TP63: variants seen among roughly 807,000 people sequenced by gnomAD.
The protein encoded by TP63 is tumor protein 63.
Under a neutral mutation model 82.8 loss-of-function variants are expected in TP63, and 17 were observed. The observed-to-expected ratio is 0.21, with a 90% CI of 0.14 to 0.31. The LOEUF (loss-of-function observed/expected upper bound fraction) is 0.31, where lower values mean the gene tolerates loss of function less well. TP63 is among the 10% of genes least tolerant of loss of function. The pLI is 1.00. For missense variants in TP63, 648 were observed against 895.3 expected, an observed-to-expected ratio of 0.72 and a Z score of 3.52; for synonymous variants, 330 against 321.7, an observed-to-expected ratio of 1.03 and a Z score of -0.28.
upstream of TP63, among the ~76,000 whole-genome samples, chr3:189,629,553 G>C (rs1357649995): frequency 6.6e-6 from 1 of 152,108 alleles, no homozygotes; most frequent in Non-Finnish European, 1.5e-5. Context: ...ACGTCGAATT[G>C]TAAATATCAG....
At chr3:189,754,827 C>T (rs1722067374) in intron 3 of TP63, among the ~76,000 whole-genome samples, 2 of 152,134 alleles carry the variant, frequency 1.3e-5, no homozygotes, top group Non-Finnish European at 1.5e-5. Context: ...TTATCATCCT[C>T]CTTTTGTTCT....
In TP63 at chr3:189,667,168, A is replaced by ATTT. The variant is rs11439554; in HGVS notation, c.62+35610_62+35612dup. The stretch of plus-strand genomic sequence containing the variant: ...CACTGAAGCTAAGGCAGAAGTTAGA[A>ATTT]TTTTTTTTTTTTTTTTTTTTTGAGA... On this transcript the variant is annotated intron_variant, in intron 1 of 13. Transcript: ENST00000264731. 7.4e-4 allele frequency among the ~76,000 whole-genome samples: 90 copies of ATTT among 122,084 alleles called. 1 individual carries two copies. Among genetic ancestry groups the ATTT allele is most frequent in the African/African-American group, 2.3e-3 (75 of 32,522 alleles). 80.1% of individuals were successfully genotyped at this position (122,084 alleles called of 152,430 possible).
At chr3:189,700,272 G>C (rs1347691118) in intron 1 of TP63, among the ~76,000 whole-genome samples, 1 of 152,074 alleles carries the variant, frequency 6.6e-6, no homozygotes, top group Non-Finnish European at 1.5e-5. Context: ...TGGTTTTCTG[G>C]TACAGCTCCA....
chr3:189,831,818 CTTTTTTTTTTTTTTTTTT>C (rs1156431272), intron 4 of TP63, among the ~76,000 whole-genome samples: 2 of 73,198 alleles, frequency 2.7e-5, no homozygotes, highest in East Asian at 3.7e-4. Flanking sequence ...CTATTATGCT[CTTTTTTTTTTTTTTTTTT>C]TTTTTTTTTT....
At chr3:189,690,728 C>T (rs1382343818) in intron 1 of TP63, among the ~76,000 whole-genome samples, 1 of 152,186 alleles carries the variant, frequency 6.6e-6, no homozygotes, top group Non-Finnish European at 1.5e-5. Flanking sequence ...GTTCCTCATT[C>T]AATGTGGGTA....
intron 1 of TP63, among the ~76,000 whole-genome samples, chr3:189,721,416 C>T (rs1000047945): frequency 2.0e-5 from 3 of 151,376 alleles, no homozygotes; most frequent in South Asian, 2.1e-4. Flanking sequence ...GGGATTCCCC[C>T]GTAGTTACCT....
Position 189,867,951 on chromosome 3 carries a change from C to T in TP63, c.992+9C>T, listed in dbSNP as rs369838833. ...ACTCTGGAAACCAGAGAGTAAGTGG[C>T]GTATGTAAAATTGTCATTCTACACA... is the stretch of plus-strand genomic sequence containing the variant. On this transcript the variant is annotated intron_variant, in intron 7 of 13. Coordinates refer to ENST00000264731, the MANE Select transcript of TP63 (RefSeq NM_003722.5). The T allele has an allele frequency of 2.4e-5, 39 of 1,608,172 alleles. No homozygotes were observed. Among genetic ancestry groups the T allele is most frequent in the Admixed American group, 1.5e-4 (9 of 59,896 alleles).
chr3:189,663,832 C>T (rs1714144091), intron 1 of TP63, among the ~76,000 whole-genome samples: 1 of 151,968 alleles, frequency 6.6e-6, no homozygotes, highest in South Asian at 2.1e-4. Flanking sequence ...CTGACCTGAG[C>T]CACCGCACCC....
intron 3 of TP63, among the ~76,000 whole-genome samples, chr3:189,786,614 G>C (rs1184504832): frequency 6.6e-6 from 1 of 151,956 alleles, no homozygotes; most frequent in African/African-American, 2.4e-5. Flanking sequence ...GCTTCGATCT[G>C]ACATCTTGGA....
intron 3 of TP63, among the ~76,000 whole-genome samples, chr3:189,785,018 T>C (rs748684304): frequency 2.0e-5 from 3 of 152,086 alleles, no homozygotes; most frequent in Non-Finnish European, 2.9e-5. Context: ...CCCCAACATT[T>C]CTTAGCTTTC....
At chr3:189,719,541 A>G (rs755026067) in intron 1 of TP63, among the ~76,000 whole-genome samples, 5 of 152,176 alleles carry the variant, frequency 3.3e-5, no homozygotes, top group Non-Finnish European at 7.3e-5. Flanking sequence ...CTTCGAGTCT[A>G]GTCCAGCAAA....
chr3:189,649,190 A>C (rs6807954), intron 1 of TP63, among the ~76,000 whole-genome samples: 3 of 145,734 alleles, frequency 2.1e-5, no homozygotes, highest in Non-Finnish European at 4.5e-5. Context: ...TATACAGAGA[A>C]AATGAAAGGG....
chr3:189,620,495 C>A, the TP63 span, among the ~76,000 whole-genome samples: 1 of 109,242 alleles, frequency 9.2e-6, no homozygotes, highest in Non-Finnish European at 1.8e-5. Context: ...GGCGACAGAG[C>A]AAGACTCCAT....
At position 189,711,595 on chromosome 3, in the gene TP63, A is replaced by G. The variant is rs138396866; in HGVS notation, c.63-26145A>G. On this transcript the variant is annotated intron_variant, in intron 1 of 13. Transcript: ENST00000264731. ...TTTAAAGAAGAGAGGGGTTTAATAG[A>G]TAAATCTGGAAGTACTCCAGATAGA... is the stretch of plus-strand genomic sequence containing the variant. 2.0e-4 allele frequency among the ~76,000 whole-genome samples: 30 copies of G among 152,296 alleles called. No individual in the cohort carries two copies. The East Asian group carries it at 5.4e-3, about 27-fold the overall frequency.
At chr3:189,817,113 A>G (rs1005281092) in intron 4 of TP63, among the ~76,000 whole-genome samples, 1 of 152,056 alleles carries the variant, frequency 6.6e-6, no homozygotes, top group South Asian at 2.1e-4. Context: ...TTTCAAGTTC[A>G]TTGATTAAAT....
intron 8 of TP63, 41 bp from the exon 9 acceptor site, chr3:189,869,283 G>T: frequency 6.7e-7 from 1 of 1,503,446 alleles, no homozygotes; most frequent in South Asian, 1.1e-5. Flanking sequence ...TAGTGCTTTA[G>T]AAGTGTTCCC....
chr3:189,671,632 C>A (rs1034120207), intron 1 of TP63, among the ~76,000 whole-genome samples: 3 of 151,976 alleles, frequency 2.0e-5, no homozygotes, highest in Non-Finnish European at 4.4e-5. Flanking sequence ...AATATGGAAT[C>A]AACCTAAATG....
At chr3:189,713,069 G>GA (rs1456539660) in intron 1 of TP63, among the ~76,000 whole-genome samples, 12 of 152,294 alleles carry the variant, frequency 7.9e-5, no homozygotes, top group Admixed American at 1.3e-4. Flanking sequence ...AGCACAGACA[G>GA]AGAGGTCAGA....
At chr3:189,802,032 G>A (rs1726363767) in intron 3 of TP63, among the ~76,000 whole-genome samples, 1 of 152,148 alleles carries the variant, frequency 6.6e-6, no homozygotes, top group Non-Finnish European at 1.5e-5. Context: ...TTAACCTGGA[G>A]TAGAACACTG....
Sources: gnomAD v4.1 joint callset for allele counts (sites outside exome capture counted in the v4.1 genomes callset) on GRCh38, gnomAD v4.1.1 for gene constraint, MANE v1.5 for transcripts, NCBI Gene and HGNC (gene_info 2026-07-23, HGNC 2026-07-21) for gene names.